SCD5: variants seen among roughly 807,000 people sequenced by gnomAD.
SCD5 encodes the protein acyl-CoA-desaturase 4.
Under a neutral mutation model 30.4 loss-of-function variants are expected in SCD5, and 20 were observed. The observed-to-expected ratio is 0.66, with a 90% CI of 0.46 to 0.96. The LOEUF (loss-of-function observed/expected upper bound fraction) is 0.96. SCD5 is among the 40% of genes least tolerant of loss of function. SCD5 has a pLI of 0.00. For missense variants in SCD5, 381 were observed against 443.3 expected (o/e 0.86, Z 1.26); for synonymous variants, 173 against 176.4 (o/e 0.98, Z 0.16).
chr4:82,633,581 C>T (rs1408719667), intron 4 of SCD5, among the ~76,000 whole-genome samples: 1 of 152,204 alleles, frequency 6.6e-6, no homozygotes, highest in South Asian at 2.1e-4. Flanking sequence ...AATGGCTACA[C>T]TAATTTACAT....
At chr4:82,686,075 G>C (rs1312333540) in intron 2 of SCD5, among the ~76,000 whole-genome samples, 1 of 151,626 alleles carries the variant, frequency 6.6e-6, no homozygotes, top group African/African-American at 2.4e-5. Context: ...GTGTGATTAT[G>C]GCTCACTACA....
intron 1 of SCD5, among the ~76,000 whole-genome samples, chr4:82,758,847 G>T (rs533553078): frequency 2.8e-4 from 42 of 152,250 alleles, no homozygotes; most frequent in African/African-American, 9.6e-4. Flanking sequence ...CGACACAAAG[G>T]GTCACTCATG....
intron 3 of SCD5, among the ~76,000 whole-genome samples, chr4:82,645,042 G>A (rs540711811): frequency 7.2e-5 from 11 of 152,280 alleles, no homozygotes; most frequent in African/African-American, 2.2e-4. Context: ...GCCAGGCACC[G>A]GTGGCTCACA....
chr4:82,703,159 G>A (rs1451664486), intron 2 of SCD5, among the ~76,000 whole-genome samples: 1 of 152,170 alleles, frequency 6.6e-6, no homozygotes, highest in African/African-American at 2.4e-5. Context: ...CATAGTAGGT[G>A]CTCAATAAGT....
At chr4:82,747,413 T>C (rs2148841169) in intron 1 of SCD5, among the ~76,000 whole-genome samples, 1 of 152,294 alleles carries the variant, frequency 6.6e-6, no homozygotes, top group African/African-American at 2.4e-5. Flanking sequence ...CTCATCCCTT[T>C]CTCTTACCCA....
At chr4:82,796,290 G>A (rs957141568) in intron 1 of SCD5, among the ~76,000 whole-genome samples, 3 of 150,526 alleles carry the variant, frequency 2.0e-5, no homozygotes, top group South Asian at 4.2e-4. Flanking sequence ...AAAAGACTTA[G>A]GAAATAGCAG....
chr4:82,719,802 C>T (rs1434527451), intron 1 of SCD5, among the ~76,000 whole-genome samples: 1 of 149,462 alleles, frequency 6.7e-6, no homozygotes, highest in Admixed American at 6.6e-5. Flanking sequence ...CGCGCCCGGC[C>T]ATGATTTTCT....
At chr4:82,743,532 A>T (rs1344836881) in intron 1 of SCD5, among the ~76,000 whole-genome samples, 1 of 151,914 alleles carries the variant, frequency 6.6e-6, no homozygotes, top group Admixed American at 6.6e-5. Context: ...TTATATATAT[A>T]TATTTTTTAA....
chr4:82,718,575 A>G (rs1393351840), intron 1 of SCD5, among the ~76,000 whole-genome samples: 3 of 151,774 alleles, frequency 2.0e-5, no homozygotes, highest in Admixed American at 6.6e-5. Flanking sequence ...AAAGTTACAA[A>G]ACACATTTTT....
chr4:82,723,839 A>G (rs1720418897), intron 1 of SCD5, among the ~76,000 whole-genome samples: 1 of 152,394 alleles, frequency 6.6e-6, no homozygotes, highest in East Asian at 1.9e-4. Flanking sequence ...AAAGACAATG[A>G]AAACAAATAA....
intron 4 of SCD5, among the ~76,000 whole-genome samples, chr4:82,633,759 T>C (rs556364298): frequency 1.6e-4 from 25 of 152,262 alleles, no homozygotes; most frequent in Non-Finnish European, 3.1e-4. Context: ...TAAACAGCTT[T>C]GTTGAGATAA....
At chr4:82,798,090 G>GGGC (rs1722267725) in intron 1 of SCD5, among the ~76,000 whole-genome samples, 2 of 151,652 alleles carry the variant, frequency 1.3e-5, no homozygotes, top group African/African-American at 4.9e-5. Flanking sequence ...TGGGGGCGGG[G>GGGC]GGGGGGCGGA....
rs778493068 is a variant in SCD5, at chr4:82,798,530, C to T, written c.8G>A (p.Gly3Asp). MP[G>D]PATDAGKIPF... ...GATCTTCCCCGCGTCGGTGGCCGGG[C>T]CTGGCATGGCTGGGCGAGGTGGGCG... Residue 3 changes from glycine (G) to aspartate (D), a missense_variant, in exon 1 of 5, where the codon GGC becomes GAC. By Grantham distance (94) the Gly-to-Asp change is moderately conservative (BLOSUM62 -1). Coordinates refer to ENST00000319540, the MANE Select transcript of SCD5 (RefSeq NM_001037582.3). 2 of 1,592,806 alleles carry T rather than the reference C, an allele frequency of 1.3e-6. No individual in the cohort carries two copies.
intron 1 of SCD5, among the ~76,000 whole-genome samples, chr4:82,790,979 C>T (rs1238984736): frequency 6.6e-6 from 1 of 152,116 alleles, no homozygotes; most frequent in African/African-American, 2.4e-5. Context: ...GTGGCTCATG[C>T]CTGTAATCCC....
intron 3 of SCD5, among the ~76,000 whole-genome samples, chr4:82,674,586 T>A (rs748814785): frequency 2.0e-5 from 3 of 152,164 alleles, no homozygotes; most frequent in Non-Finnish European, 4.4e-5. Context: ...AAACTAAAAA[T>A]ATTGTGATTG....
At position 82,719,876 on chromosome 4, in the gene SCD5, A is replaced by T. The variant is rs150518779; in HGVS notation, c.233-14463T>A. Among the ~76,000 whole-genome samples, 220 of 151,430 alleles carry T rather than the reference A, an allele frequency of 1.5e-3. 1 individual carries two copies. Among genetic ancestry groups the T allele is most frequent in the Middle Eastern group, 0.01 (3 of 294 alleles). ...GAGTGCAGGGGTGCAATCTCAGTTC[A>T]CTGCAACTTCAGCCTCCTGGGTTTA... is the stretch of plus-strand genomic sequence containing the variant. On this transcript the variant is annotated intron_variant, in intron 1 of 4. Coordinates refer to ENST00000319540, the MANE Select transcript of SCD5 (RefSeq NM_001037582.3).
At chr4:82,647,957 C>T (rs939854594) in intron 3 of SCD5, among the ~76,000 whole-genome samples, 1 of 152,214 alleles carries the variant, frequency 6.6e-6, no homozygotes, top group Non-Finnish European at 1.5e-5. Context: ...ACTTGACCTT[C>T]CTTGATAGTG....
At chr4:82,708,807 C>T (rs537652467) in intron 1 of SCD5, among the ~76,000 whole-genome samples, 3 of 152,164 alleles carry the variant, frequency 2.0e-5, no homozygotes, top group Non-Finnish European at 4.4e-5. Context: ...ATGGACAGCC[C>T]CCTTCAAGAG....
At chr4:82,722,032 C>T (rs925240005) in intron 1 of SCD5, among the ~76,000 whole-genome samples, 4 of 152,196 alleles carry the variant, frequency 2.6e-5, no homozygotes, top group African/African-American at 9.7e-5. Flanking sequence ...CACTAGTGTG[C>T]ACTAGCTGCA....
Sources: gnomAD v4.1 joint callset for allele counts (sites outside exome capture counted in the v4.1 genomes callset) on GRCh38, gnomAD v4.1.1 for gene constraint, MANE v1.5 for transcripts, NCBI Gene and HGNC (gene_info 2026-07-23, HGNC 2026-07-21) for gene names.